Variants in WDPCP observed in about 807,000 individuals in gnomAD.
WDPCP encodes WD repeat-containing and planar cell polarity effector protein fritz homolog.
WDPCP carries 71 observed loss-of-function variants against 93.1 expected under a neutral mutation model. The ratio of observed to expected loss-of-function variants is 0.76; its 90% CI spans 0.63 to 0.93. The LOEUF (loss-of-function observed/expected upper bound fraction) is 0.93. Among genes scored for constraint, WDPCP ranks in the 40% least tolerant of loss-of-function variants. The pLI, the probability that WDPCP is intolerant of heterozygous loss-of-function variation, is 0.00. For missense variants in WDPCP, 844 were observed against 887.4 expected (o/e 0.95, Z 0.62); for synonymous variants, 315 against 315.0 (o/e 1.00, Z 0.00).
chr2:63,127,316 G>A (rs1448638565), intron 17 of WDPCP, among the ~76,000 whole-genome samples: 1 of 151,518 alleles, frequency 6.6e-6, no homozygotes, highest in Non-Finnish European at 1.5e-5. Context: ...GTAGAGACGG[G>A]GTTTCACCAT....
chr2:63,575,771 G>A (rs981175309), intron 1 of WDPCP, among the ~76,000 whole-genome samples: 1 of 151,526 alleles, frequency 6.6e-6, no homozygotes, highest in African/African-American at 2.4e-5. Context: ...AAACACATGT[G>A]TGCGTATGTA....
chr2:63,382,968 T>C (rs1468103344), intron 10 of WDPCP, among the ~76,000 whole-genome samples: 1 of 152,150 alleles, frequency 6.6e-6, no homozygotes, highest in African/African-American at 2.4e-5. Flanking sequence ...TGGCAGTAGA[T>C]ATTAATTCAT....
intron 3 of WDPCP, among the ~76,000 whole-genome samples, chr2:63,615,558 C>T (rs1709663440): frequency 6.6e-6 from 1 of 152,168 alleles, no homozygotes; most frequent in Admixed American, 6.5e-5. Flanking sequence ...GATACCCCCT[C>T]CCCACTAACT....
In WDPCP at chr2:63,309,383, C is replaced by T. The variant is rs143302217; in HGVS notation, c.1812+3865G>A. On this transcript the variant is annotated intron_variant, in intron 13 of 17. Coordinates refer to ENST00000272321, the MANE Select transcript of WDPCP (RefSeq NM_015910.7). ...GAAGCAAAAACTGACAGGAGGGGTA[C>T]GGTGGTGCATGCCTGTAATCCCAGC... Among the ~76,000 whole-genome samples, 1,323 of 152,180 alleles carry T rather than the reference C, an allele frequency of 8.7e-3. 12 individuals are homozygous for T. The Middle Eastern group carries it at 0.088, about 10-fold the overall frequency.
At chr2:63,361,554 A>G (rs1176350104) in intron 12 of WDPCP, among the ~76,000 whole-genome samples, 1 of 152,220 alleles carries the variant, frequency 6.6e-6, no homozygotes, top group Non-Finnish European at 1.5e-5. Context: ...CAAGAATAAC[A>G]TAGGGAACAT....
chr2:63,484,675 C>T lies in WDPCP; in HGVS notation c.325-12G>A. ...TTTTGCATCAGCTCCTGAAGCACAA[C>T]AGAAAAAGAGAGAGCGTAGTTGGCT... On this transcript the variant is annotated splice_polypyrimidine_tract_variant and intron_variant, in intron 5 of 17. Coordinates refer to ENST00000272321, the MANE Select transcript of WDPCP (RefSeq NM_015910.7). 6.2e-7 allele frequency: 1 copy of T among 1,612,752 alleles called. No homozygotes were observed. Among genetic ancestry groups the T allele is most frequent in the Non-Finnish European group, 8.5e-7 (1 of 1,179,202 alleles).
At chr2:63,571,232 C>T in intron 1 of WDPCP, 2 of 376,276 alleles carry the variant, frequency 5.3e-6, no homozygotes, top group South Asian at 2.1e-5. Flanking sequence ...TTTAACATTA[C>T]CATGTGTCAC....
chr2:63,227,365 A>G (rs1191998123), intron 14 of WDPCP, among the ~76,000 whole-genome samples: 2 of 152,024 alleles, frequency 1.3e-5, no homozygotes, highest in African/African-American at 4.8e-5. Context: ...TGTTACAGTG[A>G]TTGTATGATA....
Position 63,433,914 on chromosome 2 carries a change from C to T in WDPCP, c.656G>A (p.Gly219Asp). The change falls in exon 9 of 18, where the codon GGC (glycine) becomes GAC (aspartate). Residue 219 changes from glycine (G) to aspartate (D), a missense_variant. Physicochemically the swap from Gly to Asp is moderately conservative, Grantham distance 94. Coordinates refer to ENST00000272321, the MANE Select transcript of WDPCP (RefSeq NM_015910.7). ...DYKIFYYEIP[G>D]PINKTTERHL... ...TCGCTCTGTTGTCTTGTTTATTGGG[C>T]CGGGTATTTCATAATAGAAAATCTA... The T allele has an allele frequency of 6.2e-7, 1 of 1,613,538 alleles. No individual in the cohort carries two copies. Among genetic ancestry groups the T allele is most frequent in the Non-Finnish European group, 8.5e-7 (1 of 1,179,814 alleles).
intron 6 of WDPCP, among the ~76,000 whole-genome samples, chr2:63,461,076 G>C (rs938798973): frequency 1.3e-5 from 2 of 152,172 alleles, no homozygotes; most frequent in African/African-American, 4.8e-5. Flanking sequence ...TCCATGTAAG[G>C]GGAAGCAAAG....
At position 63,128,685 on chromosome 2, in the gene WDPCP, T is replaced by G. The variant is rs191550626; in HGVS notation, c.2191-6629A>C. On this transcript the variant is annotated intron_variant, in intron 17 of 17. Transcript: ENST00000272321. ...TCTGATAACCACTGTTCTACTTATTTGAGATGGAATTTTGCTCTTGTTGCC... is the reference window on the plus strand; with the variant it reads ...TCTGATAACCACTGTTCTACTTATTGGAGATGGAATTTTGCTCTTGTTGCC... Among the ~76,000 whole-genome samples, 10 of 152,296 alleles carry G rather than the reference T, an allele frequency of 6.6e-5. No homozygotes were observed. The East Asian group carries it at 1.7e-3, about 26-fold the overall frequency.
chr2:63,748,510 T>G (rs1669832514), intron 2 of WDPCP, among the ~76,000 whole-genome samples: 1 of 152,118 alleles, frequency 6.6e-6, no homozygotes, highest in Admixed American at 6.5e-5. Context: ...TCCTTTAATT[T>G]GTTAACATGG....
In WDPCP at chr2:63,631,734, T is replaced by G. The variant is rs554198696; in HGVS notation, n.488+18925A>C. ...GATGGCTGGGAGTAAAGGCAAGGCATAGGGGCTATCTTTATCAGCCATGCT... is the reference window on the plus strand; with the variant it reads ...GATGGCTGGGAGTAAAGGCAAGGCAGAGGGGCTATCTTTATCAGCCATGCT... On this transcript the variant is annotated intron_variant and non_coding_transcript_variant, in intron 3 of 4. Coordinates refer to the WDPCP transcript ENST00000467687. Among the ~76,000 whole-genome samples the G allele has an allele frequency of 2.6e-5, 4 of 152,290 alleles. No individual in the cohort carries two copies. The South Asian group carries it at 8.3e-4, about 32-fold the overall frequency.
intron 12 of WDPCP, among the ~76,000 whole-genome samples, chr2:63,349,273 T>G (rs1334536826): frequency 6.6e-6 from 1 of 152,146 alleles, no homozygotes; most frequent in Non-Finnish European, 1.5e-5. Context: ...TTTGTATATA[T>G]AGGGCATAAA....
intron 1 of WDPCP, among the ~76,000 whole-genome samples, chr2:63,816,162 A>G (rs1389144578): frequency 1.3e-5 from 2 of 152,176 alleles, no homozygotes; most frequent in African/African-American, 4.8e-5. Context: ...AATTAATCAC[A>G]TTTTATATTA....
intron 2 of WDPCP, among the ~76,000 whole-genome samples, chr2:63,661,041 G>A (rs1163237621): frequency 6.6e-6 from 1 of 152,116 alleles, no homozygotes; most frequent in Non-Finnish European, 1.5e-5. Context: ...AACATCATCT[G>A]TAGTTCATTT....
chr2:63,708,259 T>C (rs113987885), intron 2 of WDPCP, among the ~76,000 whole-genome samples: 30,260 of 152,114 alleles, frequency 0.2, 3,268 homozygotes, highest in Middle Eastern at 0.28. Flanking sequence ...CCTCCTTGAG[T>C]TGTGGTGGGC....
intron 15 of WDPCP, among the ~76,000 whole-genome samples, chr2:63,166,879 AAT>A (rs1673031970): frequency 6.6e-6 from 1 of 152,172 alleles, no homozygotes; most frequent in Admixed American, 6.5e-5. Flanking sequence ...TGTGCTATCA[AAT>A]ACTAGATCTC....
chr2:63,166,683 G>C (rs1011273647), intron 15 of WDPCP, among the ~76,000 whole-genome samples: 1 of 152,166 alleles, frequency 6.6e-6, no homozygotes, highest in African/African-American at 2.4e-5. Context: ...ATTAGCCACC[G>C]TGCCTGGCTG....
Sources: allele counts gnomAD v4.1 joint callset (sites outside exome capture counted in the v4.1 genomes callset), GRCh38; gene constraint gnomAD v4.1.1; transcripts MANE v1.5; gene names NCBI Gene and HGNC (gene_info 2026-07-23, HGNC 2026-07-21).